TRIM13: variants seen among roughly 807,000 people sequenced by gnomAD.
TRIM13 encodes E3 ubiquitin-protein ligase TRIM13.
TRIM13 carries 15 observed loss-of-function variants against 27.1 expected under a neutral mutation model. That is an observed-to-expected ratio of 0.55 (90% CI 0.37 to 0.85). The LOEUF is 0.85. Ranked by LOEUF, TRIM13 falls within the 40% of genes least tolerant of loss-of-function variation. TRIM13 has a pLI of 0.00. For missense variants in TRIM13, 402 were observed against 472.2 expected (o/e 0.85, Z 1.38); for synonymous variants, 193 against 171.5 (o/e 1.13, Z -0.98).
chr13:50,000,212 GGT>G (rs1873853759), intron 1 of TRIM13, among the ~76,000 whole-genome samples: 1 of 152,042 alleles, frequency 6.6e-6, no homozygotes, highest in Non-Finnish European at 1.5e-5. Flanking sequence ...ATAAAACTAT[GGT>G]TTTATTTAAG....
rs567218292 is a variant in TRIM13 at position 49,999,668 on chromosome 13, A to T, written c.-7+1905A>T. On this transcript the variant is annotated intron_variant, in intron 1 of 1. Coordinates refer to ENST00000378182, the MANE Select transcript of TRIM13 (RefSeq NM_213590.3). ...GCTGGGACTACAAGTGTGTGGCACC[A>T]TTCCCAGATATAAAAATCCTAATTT... is the stretch of plus-strand genomic sequence containing the variant. Among the ~76,000 whole-genome samples the T allele has an allele frequency of 2.0e-5, 3 of 152,306 alleles. No homozygotes were observed. In the South Asian group the frequency reaches 6.2e-4, roughly 32 times the overall value.
Position 49,997,532 on chromosome 13 carries a change from C to T in TRIM13, c.-238C>T, listed in dbSNP as rs529000461. 9 of 152,242 alleles carry T rather than the reference C, an allele frequency of 5.9e-5. No homozygotes were observed. The highest frequency in any genetic ancestry group is 2.2e-4 in the African/African-American group (9 of 41,528). The allele number at this position is 152,242 out of a possible 1,614,324, so 9.4% of individuals were successfully genotyped here. ...GAGAAGCTGCTTAATACAAAGAGCT[C>T]CAGGCTCCTGGCGGTTCACCAGGTC... is the stretch of plus-strand genomic sequence containing the variant. On this transcript the variant is annotated 5_prime_UTR_variant, in exon 1 of 2. Coordinates refer to ENST00000378182, the MANE Select transcript of TRIM13 (RefSeq NM_213590.3).
chr13:50,016,157 C>CTCA lies in TRIM13; in HGVS notation c.*2994_*2995insCAT. The CTCA allele has an allele frequency of 1.2e-6, 1 of 850,176 alleles. No homozygotes were observed. Among genetic ancestry groups the CTCA allele is most frequent in the Non-Finnish European group, 1.8e-6 (1 of 566,180 alleles). The allele number at this position is 850,176 out of a possible 1,614,324, so 52.7% of individuals were successfully genotyped here. On this transcript the variant is annotated 3_prime_UTR_variant, in exon 2 of 2. Transcript: ENST00000378182. Reference sequence around the variant, plus strand: ...TTGAAGTTCCTCAGGCCTGTAACTTCTGGAAAAGATGATTATTCAAAATAA... The same window carrying CTCA: ...TTGAAGTTCCTCAGGCCTGTAACTTCTCATGGAAAAGATGATTATTCAAAATAA...
chr13:50,014,344 A>AAAAAATTAT lies in TRIM13; in HGVS notation c.*1181_*1182insAAAATTATA, dbSNP rs1555325057. On this transcript the variant is annotated 3_prime_UTR_variant, in exon 2 of 2. Coordinates refer to ENST00000378182, the MANE Select transcript of TRIM13 (RefSeq NM_213590.3). The stretch of plus-strand genomic sequence containing the variant: ...AAAAAAAAAAAAAAAAAAAAAAAAA[A>AAAAAATTAT]ATATATATATATATATACACACACA... The AAAAAATTAT allele has an allele frequency of 5.1e-5, 1 of 19,718 alleles. No homozygotes were observed. The highest frequency in any genetic ancestry group is 8.3e-5 in the Non-Finnish European group (1 of 12,100). 1.2% of individuals were successfully genotyped at this position (19,718 alleles called of 1,614,324 possible).
At chr13:50,010,077 C>G (rs1199273076) in intron 1 of TRIM13, among the ~76,000 whole-genome samples, 3 of 118,234 alleles carry the variant, frequency 2.5e-5, no homozygotes, top group East Asian at 2.9e-4. Context: ...GAGGCAAGGT[C>G]TCTCTCTGTT....
chr13:50,013,464 T>C lies in TRIM13; in HGVS notation c.*300T>C, dbSNP rs1875916474. Reference sequence around the variant, plus strand: ...ATCATATGATCTAATATTGTATTGATGGAAGTATAGGTAGTATAGTAGTGA... The same window carrying C: ...ATCATATGATCTAATATTGTATTGACGGAAGTATAGGTAGTATAGTAGTGA... On this transcript the variant is annotated 3_prime_UTR_variant, in exon 2 of 2. Coordinates refer to ENST00000378182, the MANE Select transcript of TRIM13 (RefSeq NM_213590.3). 4.3e-6 allele frequency: 1 copy of C among 231,182 alleles called. No individual in the cohort carries two copies. Among genetic ancestry groups the C allele is most frequent in the Admixed American group, 5.3e-5 (1 of 18,936 alleles). The allele number at this position is 231,182 out of a possible 1,614,324, so 14.3% of individuals were successfully genotyped here. A position where few individuals can be genotyped will look rare whatever the true frequency, so the allele number is the denominator to read the frequency against.
Position 50,014,344 on chromosome 13 carries a change from A to AAAAAAATATAT in TRIM13, c.*1181_*1182insAAAAATATATA, listed in dbSNP as rs1555325057. The AAAAAAATATAT allele has an allele frequency of 6.1e-4, 12 of 19,726 alleles. No homozygotes were observed. The highest frequency in any genetic ancestry group is 2.5e-3 in the South Asian group (1 of 398). 1.2% of individuals were successfully genotyped at this position (19,726 alleles called of 1,614,324 possible). ...AAAAAAAAAAAAAAAAAAAAAAAAA[A>AAAAAAATATAT]ATATATATATATATATACACACACA... On this transcript the variant is annotated 3_prime_UTR_variant, in exon 2 of 2. Transcript: ENST00000378182.
At chr13:50,004,413 T>G (rs1874413483) in intron 1 of TRIM13, among the ~76,000 whole-genome samples, 1 of 152,018 alleles carries the variant, frequency 6.6e-6, no homozygotes, top group Non-Finnish European at 1.5e-5. Flanking sequence ...TACAGTGAGC[T>G]GTGTTAGGGT....
At chr13:50,009,571 T>A (rs1875282528) in intron 1 of TRIM13, among the ~76,000 whole-genome samples, 1 of 151,836 alleles carries the variant, frequency 6.6e-6, no homozygotes, top group African/African-American at 2.4e-5. Flanking sequence ...ACCCCGTTTC[T>A]ACTAAAAATA....
intron 1 of TRIM13, among the ~76,000 whole-genome samples, chr13:50,007,799 G>A (rs1471113292): frequency 9.2e-5 from 12 of 130,990 alleles, no homozygotes; most frequent in Admixed American, 2.2e-4. Context: ...AAAAAAAAAA[G>A]CCATAAACTA....
At position 50,016,088 on chromosome 13, in the gene TRIM13, A is replaced by G. The variant is rs779290527; in HGVS notation, c.*2924A>G. 3 of 1,585,324 alleles carry G rather than the reference A, an allele frequency of 1.9e-6. No homozygotes were observed. Among genetic ancestry groups the G allele is most frequent in the Non-Finnish European group, 2.6e-6 (3 of 1,155,088 alleles). ...TGGAGTCAGGTATTTTGTACTTTGC[A>G]GTATTTCTCTTGTATACCAGTTTGT... On this transcript the variant is annotated 3_prime_UTR_variant, in exon 2 of 2. Transcript: ENST00000378182.
Position 50,012,319 on chromosome 13 carries a change from G to C in TRIM13, c.379G>C (p.Val127Leu). 6.2e-7 allele frequency: 1 copy of C among 1,614,162 alleles called. No individual in the cohort carries two copies. Among genetic ancestry groups the C allele is most frequent in the Non-Finnish European group, 8.5e-7 (1 of 1,180,004 alleles). The change falls in exon 2 of 2, where the codon GTC becomes CTC. Residue 127 changes from valine to leucine, a missense_variant. By Grantham distance (32) the Val-to-Leu change is conservative. Transcript: ENST00000378182. ...CATRGEHTKH[V>L]FCSIEDAYAQ... is the part of the protein sequence containing the mutation. ...TACTCGTGGGGAGCACACCAAACAT[G>C]TCTTCTGTTCTATTGAAGATGCCTA...
At chr13:50,010,888 G>T (rs1875544039) in intron 1 of TRIM13, among the ~76,000 whole-genome samples, 1 of 152,188 alleles carries the variant, frequency 6.6e-6, no homozygotes, top group Non-Finnish European at 1.5e-5. Flanking sequence ...CTTCACTTAA[G>T]TGCTTTTTCT....
intron 1 of TRIM13, 83 bp from the exon 2 acceptor site, chr13:50,011,852 G>C (rs962282725): frequency 1.1e-5 from 16 of 1,439,678 alleles, no homozygotes; most frequent in Admixed American, 2.3e-5. Context: ...TCATTTTAAC[G>C]TGAAGGCAGA....
rs1313036347 is a variant in TRIM13, at chr13:50,013,033, A to G, written c.1093A>G (p.Ile365Val). 2 of 1,613,918 alleles carry G rather than the reference A, an allele frequency of 1.2e-6. No homozygotes were observed. The highest frequency in any genetic ancestry group is 2.2e-5 in the East Asian group (1 of 44,888). ...CTATCTGACTAAAACAGCCGATTTC[A>G]TAGAACAATCAGTTTTTTACTGGGA... is the stretch of plus-strand genomic sequence containing the variant. ...SSYLTKTADF[I>V]EQSVFYWEQV... The change falls in exon 2 of 2, where the codon ATA becomes GTA. Residue 365 changes from isoleucine (I) to valine (V), a missense_variant. Ile to Val is a conservative substitution (Grantham distance 29, BLOSUM62 3). This residue lies in a region of TRIM13 where 200 missense variants were observed against 194.7 expected (regional missense o/e 1.03). Coordinates refer to ENST00000378182, the MANE Select transcript of TRIM13 (RefSeq NM_213590.3).
In TRIM13 at chr13:50,013,445, T is replaced by C. The variant is rs1011697481; in HGVS notation, c.*281T>C. 1 of 272,592 alleles carries C rather than the reference T, an allele frequency of 3.7e-6. No individual in the cohort carries two copies. Among genetic ancestry groups the C allele is most frequent in the Non-Finnish European group, 7.4e-6 (1 of 136,000 alleles). 16.9% of individuals were successfully genotyped at this position (272,592 alleles called of 1,614,324 possible). A position where few individuals can be genotyped will look rare whatever the true frequency, so the allele number is the denominator to read the frequency against. On this transcript the variant is annotated 3_prime_UTR_variant, in exon 2 of 2. Transcript: ENST00000378182. The stretch of plus-strand genomic sequence containing the variant: ...TGATAAAAATAGGTGAGAGATCATA[T>C]GATCTAATATTGTATTGATGGAAGT...
chr13:50,009,645 G>A (rs552843770), intron 1 of TRIM13, among the ~76,000 whole-genome samples: 2 of 148,612 alleles, frequency 1.3e-5, no homozygotes, highest in Non-Finnish European at 3.0e-5. Flanking sequence ...GCTGAGGCAG[G>A]AGAATCACTT....
At position 50,012,132 on chromosome 13, in the gene TRIM13, T is replaced by C; in HGVS notation, c.192T>C (p.Thr64=). The C allele has an allele frequency of 6.2e-7, 1 of 1,614,188 alleles. No individual in the cohort carries two copies. Among genetic ancestry groups the C allele is most frequent in the Non-Finnish European group, 8.5e-7 (1 of 1,180,020 alleles). ...CATGCCGTAAGGAAACTTCAGCTAC[T>C]GGAATTAATAGCCTGCAGGTTAATT... ...CPTCRKETSA[T]GINSLQVNYS... The change falls in exon 2 of 2, where the codon ACT becomes ACC. Residue 64 remains threonine, a synonymous_variant. Transcript: ENST00000378182.
In TRIM13 at chr13:50,015,098, T is replaced by TAA. The variant is rs1566447362; in HGVS notation, c.*1935_*1936insAA. On this transcript the variant is annotated 3_prime_UTR_variant, in exon 2 of 2. Transcript: ENST00000378182. ...AATAAAAAAAAAAAAAAAAAAAATA[T>TAA]ATATATATATATATATATATATATA... 1 of 3,360 alleles carries TAA rather than the reference T, an allele frequency of 3.0e-4. No individual in the cohort carries two copies. Among genetic ancestry groups the TAA allele is most frequent in the East Asian group, 5.3e-3 (1 of 190 alleles). 0.2% of individuals were successfully genotyped at this position (3,360 alleles called of 1,614,324 possible).
Sources: allele counts gnomAD v4.1 joint callset (sites outside exome capture counted in the v4.1 genomes callset), GRCh38; gene constraint gnomAD v4.1.1; regional missense constraint gnomAD v4.1.1; transcripts MANE v1.5; gene names NCBI Gene and HGNC (gene_info 2026-07-23, HGNC 2026-07-21).